GALNT18: variants seen among roughly 807,000 people sequenced by gnomAD.
GALNT18 encodes GalNAc-transferase 18.
Under a neutral mutation model 69.5 loss-of-function variants are expected in GALNT18, and 44 were observed. The ratio of observed to expected loss-of-function variants is 0.63; its 90% CI spans 0.50 to 0.81. The LOEUF (loss-of-function observed/expected upper bound fraction) is 0.81. GALNT18 is among the 40% of genes least tolerant of loss of function. The pLI is 0.00. For synonymous variants in GALNT18, 364 were observed against 318.2 expected, an observed-to-expected ratio of 1.14 and a Z score of -1.53; for missense variants, 715 against 810.0, an observed-to-expected ratio of 0.88 and a Z score of 1.42.
intron 1 of GALNT18, among the ~76,000 whole-genome samples, chr11:11,594,713 A>C (rs1320097211): frequency 6.6e-6 from 1 of 151,620 alleles, no homozygotes; most frequent in Non-Finnish European, 1.5e-5. Flanking sequence ...TCATCAGTTG[A>C]TAGACATTTG....
chr11:11,357,713 C>A (rs2035631), intron 6 of GALNT18, among the ~76,000 whole-genome samples: 124,274 of 152,018 alleles, frequency 0.82, 51,125 homozygotes, highest in Middle Eastern at 0.96. Flanking sequence ...CATCTGTAAA[C>A]CGGTGACAGT....
intron 9 of GALNT18, among the ~76,000 whole-genome samples, chr11:11,299,440 T>C (rs1296781031): frequency 6.6e-6 from 1 of 152,208 alleles, no homozygotes; most frequent in Admixed American, 6.6e-5. Context: ...CCACTGTGCC[T>C]GGCCCCATTG....
Position 11,341,059 on chromosome 11 carries a change from C to T in GALNT18, c.1093-55G>A. On this transcript the variant is annotated intron_variant, in intron 6 of 10. Coordinates refer to ENST00000227756, the MANE Select transcript of GALNT18 (RefSeq NM_198516.3). This position sits in a 1 kb window ranked among gnomAD's most constrained non-coding sequence, Gnocchi z 6.3. ...GCCTGCCTGGCTCTGCCTTTCTACA[C>T]CAGGCCTCAGGCAGCCACTTGACAT... The T allele has an allele frequency of 6.6e-7, 1 of 1,519,608 alleles. No homozygotes were observed. Among genetic ancestry groups the T allele is most frequent in the Admixed American group, 2.0e-5 (1 of 49,020 alleles). The allele number at this position is 1,519,608 out of a possible 1,614,324, so 94.1% of individuals were successfully genotyped here.
At chr11:11,548,115 T>C (rs778161305) in intron 1 of GALNT18, among the ~76,000 whole-genome samples, 10 of 152,202 alleles carry the variant, frequency 6.6e-5, no homozygotes, top group Admixed American at 1.3e-4. Flanking sequence ...CATTTTTCAT[T>C]TCCCAGATTT....
At position 11,494,614 on chromosome 11, in the gene GALNT18, C is replaced by A. The variant is rs574223102; in HGVS notation, c.236-45678G>T. On this transcript the variant is annotated intron_variant, in intron 1 of 10. Transcript: ENST00000227756. The surrounding 1 kb of genome is among the most constrained non-coding windows in gnomAD (Gnocchi z 5.7). Reference sequence around the variant, plus strand: ...ACTGCAGCTCCCCTTCTTTCCACCGCTATCTGCCACACATGAATTTCTACA... The same window carrying A: ...ACTGCAGCTCCCCTTCTTTCCACCGATATCTGCCACACATGAATTTCTACA... 6.6e-6 allele frequency among the ~76,000 whole-genome samples: 1 copy of A among 152,342 alleles called. No individual in the cohort carries two copies. Among genetic ancestry groups the A allele is most frequent in the East Asian group, 1.9e-4 (1 of 5,184 alleles).
intron 10 of GALNT18, among the ~76,000 whole-genome samples, chr11:11,283,622 C>T (rs561771426): frequency 6.6e-6 from 1 of 152,282 alleles, no homozygotes; most frequent in Admixed American, 6.5e-5. Context: ...TCTCATGGCT[C>T]TAGGCTGGGG....
rs1300922528 is a variant in GALNT18, at chr11:11,564,192, G to T, written c.235+57167C>A. Among the ~76,000 whole-genome samples the T allele has an allele frequency of 1.3e-5, 2 of 152,192 alleles. No homozygotes were observed. Among genetic ancestry groups the T allele is most frequent in the Non-Finnish European group, 2.9e-5 (2 of 68,032 alleles). On this transcript the variant is annotated intron_variant, in intron 1 of 10. Coordinates refer to ENST00000227756, the MANE Select transcript of GALNT18 (RefSeq NM_198516.3). This position sits in a 1 kb window ranked among gnomAD's most constrained non-coding sequence, Gnocchi z 4.3. ...AGAGAGTTTATAAGCTTCCACGCTA[G>T]AACGTGTGACTGCAAGTCCCGGGTC...
intron 6 of GALNT18, among the ~76,000 whole-genome samples, chr11:11,360,901 TA>T (rs1255227911): frequency 6.6e-6 from 1 of 152,218 alleles, no homozygotes; most frequent in Non-Finnish European, 1.5e-5. Flanking sequence ...AAATACCACA[TA>T]AAAGGTGTAG....
chr11:11,458,910 C>T (rs1236916293), intron 1 of GALNT18, among the ~76,000 whole-genome samples: 1 of 152,228 alleles, frequency 6.6e-6, no homozygotes, highest in Admixed American at 6.5e-5. Flanking sequence ...GGCCTAACCT[C>T]ATCTCCAACA....
At chr11:11,273,414 G>T (rs1848868074) in intron 10 of GALNT18, among the ~76,000 whole-genome samples, 1 of 152,124 alleles carries the variant, frequency 6.6e-6, no homozygotes, top group Non-Finnish European at 1.5e-5. Context: ...TTCCACAAAA[G>T]ACTTATAAAT....
intron 1 of GALNT18, among the ~76,000 whole-genome samples, chr11:11,554,450 C>T (rs1420260476): frequency 1.3e-5 from 2 of 151,054 alleles, no homozygotes; most frequent in East Asian, 3.9e-4. Flanking sequence ...AAAGACATTA[C>T]CTGTGCTTGT....
In GALNT18 at chr11:11,341,151, T is replaced by A. The variant is rs1352046272; in HGVS notation, c.1093-147A>T. The A allele has an allele frequency of 1.5e-6, 1 of 650,044 alleles. No individual in the cohort carries two copies. Among genetic ancestry groups the A allele is most frequent in the African/African-American group, 1.8e-5 (1 of 54,728 alleles). 40.3% of individuals were successfully genotyped at this position (650,044 alleles called of 1,614,324 possible). A position where few individuals can be genotyped will look rare whatever the true frequency, so the allele number is the denominator to read the frequency against. Reference sequence around the variant, plus strand: ...TCACTCTCTGTGAAGGAGTAGGCCATACCTGATTTCTGCTCCTATAGCAGC... The same window carrying A: ...TCACTCTCTGTGAAGGAGTAGGCCAAACCTGATTTCTGCTCCTATAGCAGC... On this transcript the variant is annotated intron_variant, in intron 6 of 10. Transcript: ENST00000227756. This position sits in a 1 kb window ranked among gnomAD's most constrained non-coding sequence, Gnocchi z 6.3.
Position 11,590,891 on chromosome 11 carries a change from A to G in GALNT18, c.235+30468T>C, listed in dbSNP as rs1353015677. Among the ~76,000 whole-genome samples the G allele has an allele frequency of 6.6e-6, 1 of 151,932 alleles. No individual in the cohort carries two copies. The highest frequency in any genetic ancestry group is 1.5e-5 in the Non-Finnish European group (1 of 68,012). ...ATACAATTATGTACAGTACATAATC[A>G]TTGATAATGATGATCAACAACTATG... On this transcript the variant is annotated intron_variant, in intron 1 of 10. Transcript: ENST00000227756. This position sits in a 1 kb window ranked among gnomAD's most constrained non-coding sequence, Gnocchi z 4.4.
chr11:11,619,302 T>C lies in GALNT18; in HGVS notation c.235+2057A>G, dbSNP rs922574303. On this transcript the variant is annotated intron_variant, in intron 1 of 10. Coordinates refer to ENST00000227756, the MANE Select transcript of GALNT18 (RefSeq NM_198516.3). This position sits in a 1 kb window ranked among gnomAD's most constrained non-coding sequence, Gnocchi z 4.9. Reference sequence around the variant, plus strand: ...CACGTGTTTTAGGGACCCTGTCTCCTATTTTTTTAACCTATCTTCTCCAAT... The same window carrying C: ...CACGTGTTTTAGGGACCCTGTCTCCCATTTTTTTAACCTATCTTCTCCAAT... Among the ~76,000 whole-genome samples the C allele has an allele frequency of 2.1e-4, 32 of 152,238 alleles. No individual in the cohort carries two copies. The highest frequency in any genetic ancestry group is 7.5e-4 in the African/African-American group (31 of 41,462).
At chr11:11,384,363 C>A in intron 3 of GALNT18, among the ~76,000 whole-genome samples, 1 of 152,064 alleles carries the variant, frequency 6.6e-6, no homozygotes. Flanking sequence ...CTGGGAAGCC[C>A]AAGAACAAGA....
intron 6 of GALNT18, among the ~76,000 whole-genome samples, chr11:11,368,210 T>A (rs1850814546): frequency 6.6e-6 from 1 of 152,228 alleles, no homozygotes; most frequent in African/African-American, 2.4e-5. Context: ...AGGTCATCTA[T>A]CTTTTCTCTT....
chr11:11,514,178 G>A (rs1054606806), intron 1 of GALNT18, among the ~76,000 whole-genome samples: 2 of 152,244 alleles, frequency 1.3e-5, no homozygotes, highest in Non-Finnish European at 2.9e-5. Context: ...TCAGAAACAT[G>A]AAGTCACTTA....
intron 1 of GALNT18, among the ~76,000 whole-genome samples, chr11:11,553,331 C>T (rs1228353839): frequency 2.0e-5 from 3 of 152,228 alleles, no homozygotes; most frequent in Non-Finnish European, 4.4e-5. Context: ...GAAGACCCAT[C>T]TATGTATACT....
rs1036309116 is a variant in GALNT18, at chr11:11,435,038, T to C, written c.429-2251A>G. Reference sequence around the variant, plus strand: ...CATCTGTGGCCAAACAAATAGTACATGAATTCTTCTTTTATATAAAGTATA... The same window carrying C: ...CATCTGTGGCCAAACAAATAGTACACGAATTCTTCTTTTATATAAAGTATA... On this transcript the variant is annotated intron_variant, in intron 2 of 10. Transcript: ENST00000227756. The surrounding 1 kb of genome is among the most constrained non-coding windows in gnomAD (Gnocchi z 4.4). Among the ~76,000 whole-genome samples, 1 of 152,194 alleles carries C rather than the reference T, an allele frequency of 6.6e-6. No homozygotes were observed. Among genetic ancestry groups the C allele is most frequent in the Non-Finnish European group, 1.5e-5 (1 of 68,030 alleles).
Sources: allele counts gnomAD v4.1 joint callset (sites outside exome capture counted in the v4.1 genomes callset), GRCh38; gene constraint gnomAD v4.1.1; non-coding constraint Gnocchi (gnomAD v3.1); transcripts MANE v1.5; gene names NCBI Gene and HGNC (gene_info 2026-07-23, HGNC 2026-07-21).